LIMCH1: variants seen among roughly 807,000 people sequenced by gnomAD.
LIMCH1 encodes LIM and calponin homology domains 1, also known as LIM and calponin homology domains-containing protein 1.
LIMCH1 carries 113 observed loss-of-function variants against 176.5 expected under a neutral mutation model. The ratio of observed to expected loss-of-function variants is 0.64; its 90% CI spans 0.55 to 0.75. The LOEUF (loss-of-function observed/expected upper bound fraction) is 0.75. Ranked by LOEUF, LIMCH1 falls within the 30% of genes least tolerant of loss-of-function variation. LIMCH1 has a pLI of 0.00. For synonymous variants in LIMCH1, 619 were observed against 645.9 expected (o/e 0.96, Z 0.63); for missense variants, 1,674 against 1,814.9 (o/e 0.92, Z 1.41).
chr4:41,620,303 T>C, intron 6 of LIMCH1, 121 bp from the exon 7 acceptor site: 2 of 957,766 alleles, frequency 2.1e-6, no homozygotes, highest in East Asian at 5.3e-5. Flanking sequence ...AGGATTATAT[T>C]GTGTGCTATG....
intron 1 of LIMCH1, among the ~76,000 whole-genome samples, chr4:41,434,023 C>T (rs2061836372): frequency 6.6e-6 from 1 of 152,230 alleles, no homozygotes; most frequent in South Asian, 2.1e-4. Context: ...TAACTTCATG[C>T]CAGCTTAAAA....
chr4:41,631,560 A>G (rs1585086255), intron 10 of LIMCH1, 83 bp downstream of exon 10: 9 of 1,135,858 alleles, frequency 7.9e-6, no homozygotes, highest in East Asian at 5.2e-5. Context: ...ACATTATACA[A>G]GCCCCTAGAG....
intron 1 of LIMCH1, chr4:41,389,464 G>T (rs1033418752): frequency 1.0e-5 from 2 of 199,160 alleles, no homozygotes; most frequent in South Asian, 2.1e-4. Flanking sequence ...TTTAGCCAGA[G>T]AACTCTCTGG....
rs532464026 is a variant in LIMCH1, at chr4:41,598,539, GAAAGA to G, written c.-240-368_-240-364del. Among the ~76,000 whole-genome samples, 487 of 151,416 alleles carry G rather than the reference GAAAGA, an allele frequency of 3.2e-3. 2 individuals are homozygous for G. Among genetic ancestry groups the G allele is most frequent in the Non-Finnish European group, 5.3e-3 (360 of 67,818 alleles). On this transcript the variant is annotated intron_variant, in intron 1 of 31. Coordinates refer to ENST00000503057, the MANE Select transcript of LIMCH1 (RefSeq NM_001330672.2). ...ATGAAAAACCTTTTTAAAAAAAAAA[GAAAGA>G]AAAGAAAAGAAATCAATTTCAACCA...
At chr4:41,633,493 A>G in intron 12 of LIMCH1, 55 bp from the exon 13 acceptor site, 1 of 1,519,224 alleles carries the variant, frequency 6.6e-7, no homozygotes, top group Non-Finnish European at 8.8e-7. Context: ...GACACTACTG[A>G]AAATATCTTT....
Position 41,627,022 on chromosome 4 carries a change from G to GTGTA in LIMCH1, c.1028+15_1028+16insATGT. On this transcript the variant is annotated intron_variant, in intron 8 of 31. Transcript: ENST00000503057. ...CTAGAATATAAAAGGTGTGCATGGT[G>GTGTA]TGTGTGTGTGTGTGTGTGTGTGTGT... 1 of 1,199,188 alleles carries GTGTA rather than the reference G, an allele frequency of 8.3e-7. No individual in the cohort carries two copies. Among genetic ancestry groups the GTGTA allele is most frequent in the Non-Finnish European group, 1.1e-6 (1 of 918,598 alleles). 74.3% of individuals were successfully genotyped at this position (1,199,188 alleles called of 1,614,324 possible).
Position 41,646,562 on chromosome 4 carries a change from A to G in LIMCH1, c.2489A>G (p.Gln830Arg). ...SQEEAEGILQ[Q>R]YIERFTISEA... ...GAGGAGGCAGAGGGGATCCTTCAACAGTACATTGAGAGGTTCACCATCAGT... is the reference window on the plus strand; with the variant it reads ...GAGGAGGCAGAGGGGATCCTTCAACGGTACATTGAGAGGTTCACCATCAGT... The change falls in exon 17 of 32, where the codon CAG becomes CGG. Residue 830 changes from glutamine (Q) to arginine (R), a missense_variant. Physicochemically the swap from Gln to Arg is conservative, Grantham distance 43. This residue lies in a region of LIMCH1 where 1,015 missense variants were observed against 1,102.5 expected (regional missense o/e 0.92). Coordinates refer to ENST00000503057, the MANE Select transcript of LIMCH1 (RefSeq NM_001330672.2). 6.2e-7 allele frequency: 1 copy of G among 1,614,202 alleles called. No individual in the cohort carries two copies. The highest frequency in any genetic ancestry group is 8.5e-7 in the Non-Finnish European group (1 of 1,180,018).
intron 4 of LIMCH1, chr4:41,612,771 A>G: frequency 1.3e-6 from 1 of 790,974 alleles, no homozygotes; most frequent in Non-Finnish European, 2.0e-6. Context: ...CCCAGCGCCA[A>G]GAGCTGGCTG....
At chr4:41,646,950 A>G in intron 17 of LIMCH1, 57 bp downstream of exon 17, 1 of 1,450,428 alleles carries the variant, frequency 6.9e-7, no homozygotes, top group Non-Finnish European at 9.5e-7. Context: ...GTGGATGGAA[A>G]GAAGCATCAT....
chr4:41,400,891 A>G (rs1451656803), intron 1 of LIMCH1, among the ~76,000 whole-genome samples: 1 of 152,116 alleles, frequency 6.6e-6, no homozygotes. Flanking sequence ...AAAAAGACCT[A>G]TCCAAATTTG....
chr4:41,476,039 A>G (rs2067687790), intron 1 of LIMCH1, among the ~76,000 whole-genome samples: 1 of 152,158 alleles, frequency 6.6e-6, no homozygotes. Flanking sequence ...TGGCATGATT[A>G]TAGCTCACTG....
chr4:41,622,261 T>G (rs1173567244), intron 7 of LIMCH1, among the ~76,000 whole-genome samples: 3 of 152,188 alleles, frequency 2.0e-5, no homozygotes, highest in Admixed American at 6.5e-5. Context: ...GACTAGATGC[T>G]GAGAAGACAA....
intron 1 of LIMCH1, among the ~76,000 whole-genome samples, chr4:41,423,168 C>T (rs1192755322): frequency 2.0e-5 from 3 of 152,206 alleles, no homozygotes; most frequent in African/African-American, 4.8e-5. Context: ...GCTTGATAAA[C>T]ATCAGCGTCA....
At chr4:41,469,096 A>C (rs922235958) in intron 1 of LIMCH1, among the ~76,000 whole-genome samples, 2 of 152,184 alleles carry the variant, frequency 1.3e-5, no homozygotes, top group Non-Finnish European at 2.9e-5. Context: ...TCATCTGTGC[A>C]TCCACTGGGA....
intron 1 of LIMCH1, among the ~76,000 whole-genome samples, chr4:41,421,312 A>C (rs1233642464): frequency 6.6e-6 from 1 of 152,160 alleles, no homozygotes; most frequent in Non-Finnish European, 1.5e-5. Context: ...CCAAGACTTA[A>C]ATGGCGGGGA....
intron 30 of LIMCH1, among the ~76,000 whole-genome samples, chr4:41,690,333 T>C (rs1724510691): frequency 6.6e-6 from 1 of 152,354 alleles, no homozygotes; most frequent in African/African-American, 2.4e-5. Flanking sequence ...TTTACGTGAA[T>C]GAATTAGTGA....
intron 1 of LIMCH1, among the ~76,000 whole-genome samples, chr4:41,379,665 A>C (rs563639912): frequency 7.2e-5 from 11 of 152,244 alleles, no homozygotes; most frequent in Non-Finnish European, 1.2e-4. Flanking sequence ...TTTTATATAT[A>C]AGGGATTCAA....
chr4:41,695,797 C>G (rs1730192523), intron 31 of LIMCH1, among the ~76,000 whole-genome samples: 1 of 151,512 alleles, frequency 6.6e-6, no homozygotes, highest in Non-Finnish European at 1.5e-5. Flanking sequence ...TGCTGATGTC[C>G]TAAGAAATAA....
At chr4:41,459,140 A>G (rs1290748303) in intron 1 of LIMCH1, among the ~76,000 whole-genome samples, 2 of 152,240 alleles carry the variant, frequency 1.3e-5, no homozygotes, top group African/African-American at 2.4e-5. Flanking sequence ...GAAGATGAAC[A>G]TGCTGATTAT....
Sources: allele counts gnomAD v4.1 joint callset (sites outside exome capture counted in the v4.1 genomes callset), GRCh38; gene constraint gnomAD v4.1.1; regional missense constraint gnomAD v4.1.1; transcripts MANE v1.5; gene names NCBI Gene and HGNC (gene_info 2026-07-23, HGNC 2026-07-21).